The following DMGDH variants were observed in gnomAD, a reference collection of about 807,000 sequenced individuals.
DMGDH encodes dimethylglycine dehydrogenase, also known as dimethylglycine dehydrogenase, mitochondrial.
A neutral mutation model predicts 95.2 loss-of-function variants in DMGDH; 76 were observed. The ratio of observed to expected loss-of-function variants is 0.80; its 90% CI spans 0.66 to 0.97. The LOEUF (loss-of-function observed/expected upper bound fraction) is 0.97. DMGDH is among the 50% of genes least tolerant of loss of function. The pLI is 0.00. For missense variants in DMGDH, 987 were observed against 1,055.0 expected (o/e 0.94, Z 0.89); for synonymous variants, 345 against 377.6 (o/e 0.91, Z 1.00).
intron 14 of DMGDH, among the ~76,000 whole-genome samples, chr5:79,013,962 AT>A (rs2112605882): frequency 6.6e-6 from 1 of 152,316 alleles, no homozygotes; most frequent in South Asian, 2.1e-4. Flanking sequence ...TTGGCATGAG[AT>A]TTGGTGCAGA....
At chr5:79,051,193 T>C in intron 5 of DMGDH, 94 bp downstream of exon 5, 2 of 1,354,164 alleles carry the variant, frequency 1.5e-6, no homozygotes, top group South Asian at 1.2e-5. Context: ...TCACAGTGCT[T>C]CATGACAATG....
Position 78,998,237 on chromosome 5 carries a change from C to A in DMGDH, c.2446G>T (p.Ala816Ser), listed in dbSNP as rs143159411. ...SYSIQKSLAF[A>S]YVPVQLSEVG... ...TCACTTAGTTGTACAGGGACATATG[C>A]GAAAGCCAGACTCTTCTGGATGCTG... Residue 816 changes from alanine (A) to serine (S), a missense_variant, in exon 16 of 16, where the codon GCA becomes TCA. Transcript: ENST00000255189. 4.5e-5 allele frequency: 72 copies of A among 1,613,998 alleles called. No individual in the cohort carries two copies. The highest frequency in any genetic ancestry group is 5.8e-5 in the Non-Finnish European group (68 of 1,180,018).
chr5:79,057,851 T>C (rs1348252906), intron 2 of DMGDH, among the ~76,000 whole-genome samples: 1 of 152,174 alleles, frequency 6.6e-6, no homozygotes, highest in Non-Finnish European at 1.5e-5. Flanking sequence ...TGGCCTAGGG[T>C]ACTGATCACC....
intron 5 of DMGDH, among the ~76,000 whole-genome samples, chr5:79,050,701 C>A (rs543747605): frequency 2.3e-4 from 35 of 152,314 alleles, no homozygotes; most frequent in Non-Finnish European, 4.4e-4. Flanking sequence ...TTGGACCTTG[C>A]CTCTGCAAAT....
chr5:79,017,602 C>G (rs1364796016), intron 14 of DMGDH, among the ~76,000 whole-genome samples: 1 of 152,150 alleles, frequency 6.6e-6, no homozygotes, highest in African/African-American at 2.4e-5. Context: ...AAAACGGTTT[C>G]TTACAAAGTT....
intron 7 of DMGDH, among the ~76,000 whole-genome samples, chr5:79,039,549 G>T (rs924409670): frequency 6.6e-6 from 1 of 152,052 alleles, no homozygotes; most frequent in Non-Finnish European, 1.5e-5. Flanking sequence ...ACACTCTGGG[G>T]ACTGTTGTGG....
chr5:79,000,125 T>C (rs1221410984), intron 15 of DMGDH: 6 of 480,434 alleles, frequency 1.2e-5, no homozygotes, highest in Non-Finnish European at 2.0e-5. Context: ...TTTGTTTTTT[T>C]TCCAAAGCCT....
intron 3 of DMGDH, 38 bp from the exon 4 acceptor site, chr5:79,054,386 C>A: frequency 6.2e-7 from 1 of 1,606,092 alleles, no homozygotes; most frequent in South Asian, 1.1e-5. Context: ...ATAAATAAGT[C>A]ATTGTTTGGT....
At chr5:79,000,796 G>A (rs1259983174) in intron 15 of DMGDH, 4 of 634,682 alleles carry the variant, frequency 6.3e-6, no homozygotes, top group East Asian at 2.7e-5. Flanking sequence ...CTGGATCCCA[G>A]GGACACAAAG....
intron 14 of DMGDH, among the ~76,000 whole-genome samples, chr5:79,023,392 C>A (rs1255162873): frequency 1.3e-5 from 2 of 152,178 alleles, no homozygotes; most frequent in Non-Finnish European, 2.9e-5. Flanking sequence ...AATGGAGTAA[C>A]CTCATTTATA....
chr5:79,058,740 A>T (rs1712310025), intron 2 of DMGDH, among the ~76,000 whole-genome samples: 1 of 152,230 alleles, frequency 6.6e-6, no homozygotes, highest in African/African-American at 2.4e-5. Flanking sequence ...ATCTTTCTTG[A>T]GATAAATAAA....
intron 14 of DMGDH, among the ~76,000 whole-genome samples, chr5:79,012,130 T>G (rs750830881): frequency 1.3e-5 from 2 of 152,116 alleles, no homozygotes; most frequent in Non-Finnish European, 2.9e-5. Context: ...CAAAAACAAG[T>G]TAGTTACCTC....
chr5:79,065,368 C>G (rs1211846262), intron 1 of DMGDH, among the ~76,000 whole-genome samples: 1 of 151,842 alleles, frequency 6.6e-6, no homozygotes, highest in Non-Finnish European at 1.5e-5. Context: ...CGTACCACCA[C>G]GCCCAGCTAA....
intron 14 of DMGDH, among the ~76,000 whole-genome samples, chr5:79,010,864 A>T (rs2112603812): frequency 6.6e-6 from 1 of 152,282 alleles, no homozygotes; most frequent in Admixed American, 6.5e-5. Context: ...GACTGTGATC[A>T]TCAGGTACTG....
intron 14 of DMGDH, among the ~76,000 whole-genome samples, chr5:79,018,075 C>T (rs932985414): frequency 6.6e-6 from 1 of 152,120 alleles, no homozygotes; most frequent in African/African-American, 2.4e-5. Context: ...TGAGGCAGAG[C>T]CTTGCTCAGT....
At chr5:79,031,926 C>A (rs1165722327) in intron 9 of DMGDH, among the ~76,000 whole-genome samples, 3 of 152,184 alleles carry the variant, frequency 2.0e-5, no homozygotes, top group Non-Finnish European at 4.4e-5. Flanking sequence ...AGCCCAAATT[C>A]ATTCATCAAC....
intron 5 of DMGDH, among the ~76,000 whole-genome samples, chr5:79,048,352 T>A (rs1328858020): frequency 6.6e-6 from 1 of 152,070 alleles, no homozygotes; most frequent in Admixed American, 6.6e-5. Context: ...CGAAAACACA[T>A]CAGCTGACAA....
At chr5:79,030,695 T>A in intron 10 of DMGDH, 138 bp downstream of exon 10, 1 of 824,560 alleles carries the variant, frequency 1.2e-6, no homozygotes, top group Non-Finnish European at 1.9e-6. Context: ...TAAATAAGCT[T>A]GTATACTTGT....
chr5:79,055,979 T>A, intron 2 of DMGDH, 71 bp from the exon 3 acceptor site: 1 of 1,037,222 alleles, frequency 9.6e-7, no homozygotes, highest in Non-Finnish European at 1.5e-6. Context: ...GTTTATCTGT[T>A]AAGCAATAAT....
Sources: allele counts gnomAD v4.1 joint callset (sites outside exome capture counted in the v4.1 genomes callset), GRCh38; gene constraint gnomAD v4.1.1; transcripts MANE v1.5; gene names NCBI Gene and HGNC (gene_info 2026-07-23, HGNC 2026-07-21).